ZNF605: variants seen among roughly 807,000 people sequenced by gnomAD.
ZNF605 encodes zinc finger protein 605.
A neutral mutation model predicts 7.9 loss-of-function variants in ZNF605; 9 were observed. That is an observed-to-expected ratio of 1.14 (90% CI 0.68 to 1.98). The LOEUF is 1.98. Among genes scored for constraint, ZNF605 ranks in the 30% most tolerant of loss-of-function variants. The pLI is 0.00. For missense variants in ZNF605, 673 were observed against 762.4 expected (o/e 0.88, Z 1.38); for synonymous variants, 255 against 260.1 (o/e 0.98, Z 0.19).
intron 1 of ZNF605, among the ~76,000 whole-genome samples, chr12:132,952,733 A>G (rs1392513145): frequency 2.6e-5 from 4 of 151,986 alleles, no homozygotes; most frequent in Non-Finnish European, 5.9e-5. Context: ...CCTTAAGGCC[A>G]ACGGGGTCAC....
intron 1 of ZNF605, among the ~76,000 whole-genome samples, chr12:132,953,944 T>C (rs1952602533): frequency 1.3e-5 from 2 of 151,874 alleles, no homozygotes; most frequent in Admixed American, 6.6e-5. Context: ...AGTCATTCAG[T>C]CATCTCTGGT....
chr12:132,950,396 C>T (rs1952544388), intron 1 of ZNF605, among the ~76,000 whole-genome samples: 1 of 152,136 alleles, frequency 6.6e-6, no homozygotes, highest in Non-Finnish European at 1.5e-5. Context: ...CGCACACACT[C>T]ACGGATGCAC....
intron 3 of ZNF605, chr12:132,945,197 CA>C: frequency 1.8e-6 from 1 of 565,204 alleles, no homozygotes; most frequent in Middle Eastern, 4.8e-4. Context: ...CTCCTGACCT[CA>C]AATGATCTGC....
At chr12:132,930,114 G>A (rs917759222) in intron 4 of ZNF605, among the ~76,000 whole-genome samples, 7 of 152,318 alleles carry the variant, frequency 4.6e-5, no homozygotes, top group African/African-American at 1.4e-4. Context: ...CACTGCAGCT[G>A]CAAACTCCCA....
rs947037627 is a variant in ZNF605, at chr12:132,933,375, A to T, written c.16-220T>A. 2.3e-3 allele frequency among the ~76,000 whole-genome samples: 348 copies of T among 152,304 alleles called. 2 individuals are homozygous for T. The Middle Eastern group carries it at 0.031, about 13-fold the overall frequency. ...GAAACATGATGAGATGCCACTTCCAAGACTAGGTTAGAAAGAAATGCAACT... is the reference window on the plus strand; with the variant it reads ...GAAACATGATGAGATGCCACTTCCATGACTAGGTTAGAAAGAAATGCAACT... On this transcript the variant is annotated intron_variant, in intron 3 of 4. Coordinates refer to ENST00000360187, the MANE Select transcript of ZNF605 (RefSeq NM_183238.4). This position sits in a 1 kb window ranked among gnomAD's most constrained non-coding sequence, Gnocchi z 4.4.
Position 132,927,088 on chromosome 12 carries a change from T to C in ZNF605, c.211A>G (p.Lys71Glu). 1 of 1,600,000 alleles carries C rather than the reference T, an allele frequency of 6.3e-7. No individual in the cohort carries two copies. Among genetic ancestry groups the C allele is most frequent in the South Asian group, 1.1e-5 (1 of 90,572 alleles). Residue 71 changes from lysine to glutamate, a missense_variant, in exon 5 of 5, where the codon AAA (lysine) becomes GAA (glutamate). Physicochemically the swap from Lys to Glu is moderately conservative, Grantham distance 56 (BLOSUM62 1). Transcript: ENST00000360187. ...AATATTTTTCCAAAAACATCATATT[T>C]ATGGCCTCTCTCCATACTTTTAAGG... ...DNLKSMERGH[K>E]YDVFGKIFNS...
At position 132,919,907 on chromosome 12, in the gene ZNF605, TCTC is replaced by T. The variant is rs1566225803; in HGVS notation, c.*5463_*5465del. The T allele has an allele frequency of 1.3e-5, 2 of 152,166 alleles. No individual in the cohort carries two copies. Among genetic ancestry groups the T allele is most frequent in the African/African-American group, 2.4e-5 (1 of 41,302 alleles). The allele number at this position is 152,166 out of a possible 1,614,324, so 9.4% of individuals were successfully genotyped here. ...CCCAGGCTGGAGTGCAGTGGTGTGATCTCAGCTCACTGCAACATCGGCTTCCTG... is the reference window on the plus strand; with the variant it reads ...CCCAGGCTGGAGTGCAGTGGTGTGATAGCTCACTGCAACATCGGCTTCCTG... On this transcript the variant is annotated 3_prime_UTR_variant, in exon 5 of 5. Coordinates refer to ENST00000360187, the MANE Select transcript of ZNF605 (RefSeq NM_183238.4).
Position 132,926,322 on chromosome 12 carries a change from G to A in ZNF605, c.977C>T (p.Thr326Ile). 1 of 1,614,052 alleles carries A rather than the reference G, an allele frequency of 6.2e-7. No homozygotes were observed. The highest frequency in any genetic ancestry group is 8.5e-7 in the Non-Finnish European group (1 of 1,179,978). The change falls in exon 5 of 5, where the codon ACT becomes ATT. Residue 326 changes from threonine (T) to isoleucine (I), a missense_variant. By Grantham distance (89) the Thr-to-Ile change is moderately conservative. Transcript: ENST00000360187. ...KAFFWKSQLI[T>I]HQRTHTGKKP... ...CTTCCCTGTGTGGGTCCTCTGATGA[G>A]TAATCAGCTGCGACTTCCAAAAGAA...
In ZNF605 at chr12:132,922,811, G is replaced by A. The variant is rs80025751; in HGVS notation, c.*2562C>T. 0.043 allele frequency: 6,387 copies of A among 149,904 alleles called. 177 individuals carry two copies. Among genetic ancestry groups the A allele is most frequent in the East Asian group, 0.09 (407 of 4,512 alleles). 9.3% of individuals were successfully genotyped at this position (149,904 alleles called of 1,614,324 possible). A position where few individuals can be genotyped will look rare whatever the true frequency, so the allele number is the denominator to read the frequency against. On this transcript the variant is annotated 3_prime_UTR_variant, in exon 5 of 5. Transcript: ENST00000360187. ...TTCCCAAAGGAAGCTGTATCCTTAC[G>A]GGAACACAGAAGCTACCATGGTCCA...
chr12:132,945,957 A>G (rs1952490935), intron 2 of ZNF605, among the ~76,000 whole-genome samples, 160 bp from the exon 3 acceptor site: 1 of 152,090 alleles, frequency 6.6e-6, no homozygotes, highest in Admixed American at 6.5e-5. Flanking sequence ...GTGGAATGTG[A>G]GCTACTAGCA....
At chr12:132,947,927 G>A (rs1952510971) in intron 2 of ZNF605, among the ~76,000 whole-genome samples, 1 of 152,016 alleles carries the variant, frequency 6.6e-6, no homozygotes, top group Non-Finnish European at 1.5e-5. Flanking sequence ...TCTGCCTCAG[G>A]TACCCCTTGG....
At position 132,925,670 on chromosome 12, in the gene ZNF605, A is replaced by G. The variant is rs1952239840; in HGVS notation, c.1629T>C (p.Val543=). The change falls in exon 5 of 5, where the codon GTT becomes GTC. Residue 543 remains valine, a synonymous_variant. Transcript: ENST00000360187. ...YECSECGKAF[V]QKVQLIKHQR... ...GATGCTTAATGAGCTGCACTTTCTG[A>G]ACAAATGCTTTCCCACATTCACTGC... 6.2e-7 allele frequency: 1 copy of G among 1,613,938 alleles called. No homozygotes were observed. Among genetic ancestry groups the G allele is most frequent in the African/African-American group, 1.3e-5 (1 of 74,884 alleles).
rs1407611502 is a variant in ZNF605, at chr12:132,941,238, C to CCGCT, written c.15+4382_15+4383insAGCG. ...CACAGAGATGCAGACATGGCCTAGA[C>CCGCT]CGAGCCTCCGCGTGTGCTGCTTCTG... is the stretch of plus-strand genomic sequence containing the variant. On this transcript the variant is annotated intron_variant, in intron 3 of 4. Coordinates refer to ENST00000360187, the MANE Select transcript of ZNF605 (RefSeq NM_183238.4). This position sits in a 1 kb window ranked among gnomAD's most constrained non-coding sequence, Gnocchi z 5.1. 6.6e-6 allele frequency among the ~76,000 whole-genome samples: 1 copy of CCGCT among 152,230 alleles called. No homozygotes were observed. The highest frequency in any genetic ancestry group is 2.4e-5 in the African/African-American group (1 of 41,560).
At position 132,924,648 on chromosome 12, in the gene ZNF605, C is replaced by G. The variant is rs1158313679; in HGVS notation, c.*725G>C. 1 of 152,282 alleles carries G rather than the reference C, an allele frequency of 6.6e-6. No individual in the cohort carries two copies. Among genetic ancestry groups the G allele is most frequent in the Non-Finnish European group, 1.5e-5 (1 of 68,116 alleles). The allele number at this position is 152,282 out of a possible 1,614,324, so 9.4% of individuals were successfully genotyped here. On this transcript the variant is annotated 3_prime_UTR_variant, in exon 5 of 5. Transcript: ENST00000360187. ...GCCATGCGGGGGCAGGCTGAGAAAC[C>G]ATGGTGCTCACCTCACTCTGTCTGC... is the stretch of plus-strand genomic sequence containing the variant.
intron 1 of ZNF605, among the ~76,000 whole-genome samples, chr12:132,954,856 A>G (rs1952618864): frequency 6.6e-6 from 1 of 152,046 alleles, no homozygotes; most frequent in Non-Finnish European, 1.5e-5. Context: ...CAACAGGTCC[A>G]CCATTAACTT....
chr12:132,952,252 G>C (rs1474264706), intron 1 of ZNF605, among the ~76,000 whole-genome samples: 1 of 151,924 alleles, frequency 6.6e-6, no homozygotes, highest in Non-Finnish European at 1.5e-5. Flanking sequence ...TTGAGGTCAG[G>C]AGTTCGAGAC....
At chr12:132,934,463 T>G (rs1566232560) in intron 3 of ZNF605, among the ~76,000 whole-genome samples, 1 of 151,850 alleles carries the variant, frequency 6.6e-6, no homozygotes, top group East Asian at 1.9e-4. Flanking sequence ...CTCAGCACTT[T>G]GGGAGGCCAA....
intron 3 of ZNF605, among the ~76,000 whole-genome samples, chr12:132,937,466 A>G (rs1223906935): frequency 6.6e-6 from 1 of 152,126 alleles, no homozygotes; most frequent in African/African-American, 2.4e-5. Context: ...CTATAATGAA[A>G]AACTACTATG....
Position 132,941,683 on chromosome 12 carries a change from A to G in ZNF605, c.15+3938T>C, listed in dbSNP as rs56200557. On this transcript the variant is annotated intron_variant, in intron 3 of 4. Transcript: ENST00000360187. The surrounding 1 kb of genome is among the most constrained non-coding windows in gnomAD (Gnocchi z 5.1). The stretch of plus-strand genomic sequence containing the variant: ...CTGGACTACGCAGCTCAGGCAAGCG[A>G]CCTCAGGCCTCACGCAGCCGTTCCC... 0.25 allele frequency among the ~76,000 whole-genome samples: 38,537 copies of G among 152,048 alleles called. 5,215 individuals are homozygous for G. The highest frequency in any genetic ancestry group is 0.36 in the African/African-American group (14,722 of 41,450).
Sources: allele counts gnomAD v4.1 joint callset (sites outside exome capture counted in the v4.1 genomes callset), GRCh38; gene constraint gnomAD v4.1.1; non-coding constraint Gnocchi (gnomAD v3.1); transcripts MANE v1.5; gene names NCBI Gene and HGNC (gene_info 2026-07-23, HGNC 2026-07-21).